The following ACOXL variants were observed in gnomAD, a reference collection of about 807,000 sequenced individuals.
ACOXL encodes the protein acyl-CoA oxidase like, also known as acyl-coenzyme A oxidase-like protein.
A neutral mutation model predicts 71.9 loss-of-function variants in ACOXL; 70 were observed. The ratio of observed to expected loss-of-function variants is 0.97; its 90% confidence interval spans 0.80 to 1.19. The LOEUF (loss-of-function observed/expected upper bound fraction) is 1.19. Ranked by LOEUF, ACOXL falls within the 50% of genes most tolerant of loss-of-function variation. The pLI, the probability that ACOXL is intolerant of heterozygous loss-of-function variation, is 0.00. For missense variants in ACOXL, 703 were observed against 736.3 expected (o/e 0.95, Z 0.52); for synonymous variants, 253 against 281.6 (o/e 0.90, Z 1.02).
chr2:110,810,518 A>G (rs371747692), intron 9 of ACOXL, among the ~76,000 whole-genome samples: 99 of 150,960 alleles, frequency 6.6e-4, no homozygotes, highest in Non-Finnish European at 1.2e-3. Flanking sequence ...TTCACCCACC[A>G]CCCATCCATC....
intron 2 of ACOXL, among the ~76,000 whole-genome samples, chr2:110,778,055 A>G (rs979715139): frequency 6.6e-5 from 10 of 152,220 alleles, no homozygotes; most frequent in Admixed American, 2.6e-4. Flanking sequence ...GTTAGCATTC[A>G]TGTTGGCAGC....
intron 10 of ACOXL, among the ~76,000 whole-genome samples, chr2:110,881,007 A>G (rs191768601): frequency 1.1e-4 from 16 of 152,308 alleles, no homozygotes; most frequent in Non-Finnish European, 1.9e-4. Flanking sequence ...TTTTCTTTCT[A>G]AAATTTTTTA....
chr2:110,947,713 G>A (rs930133625), intron 12 of ACOXL, among the ~76,000 whole-genome samples: 3 of 152,158 alleles, frequency 2.0e-5, no homozygotes, highest in Non-Finnish European at 4.4e-5. Context: ...CATCTTCTCG[G>A]CCACTGCTGA....
In ACOXL at chr2:111,117,765, G is replaced by A. The variant is rs2070461402; in HGVS notation, c.1692G>A (p.Arg564=). 1.3e-6 allele frequency: 2 copies of A among 1,551,270 alleles called. No individual in the cohort carries two copies. Among genetic ancestry groups the A allele is most frequent in the Middle Eastern group, 1.7e-4 (1 of 6,014 alleles). Residue 564 remains arginine (R), a synonymous_variant, in exon 18 of 18, where the codon CGG becomes CGA. Coordinates refer to ENST00000439055, the MANE Select transcript of ACOXL (RefSeq NM_001142807.4). ...WAFYPAPLQP[R]PREEARSRRP... is the part of the protein sequence containing the mutation. ...TCTACCCTGCACCGCTGCAGCCGCG[G>A]CCACGGGAAGAGGCGCGCTCCCGGC...
intron 12 of ACOXL, among the ~76,000 whole-genome samples, chr2:110,937,659 G>T (rs538862602): frequency 1.3e-5 from 2 of 152,206 alleles, no homozygotes; most frequent in East Asian, 3.8e-4. Flanking sequence ...TGGGAGTGAA[G>T]TGTGGACTTG....
At chr2:110,835,808 C>A (rs1690382716) in intron 9 of ACOXL, among the ~76,000 whole-genome samples, 1 of 152,148 alleles carries the variant, frequency 6.6e-6, no homozygotes, top group Non-Finnish European at 1.5e-5. Context: ...AGCTGAAATG[C>A]CCAAGTTTGT....
rs142689611 is a variant in ACOXL at position 111,003,443 on chromosome 2, C to T, written c.1281+7439C>T. ...GTGGGCACCTGTAATCCCAGCTACT[C>T]GGGAGGCTTAGGCAAGAGAATTGCT... On this transcript the variant is annotated intron_variant, in intron 14 of 17. Transcript: ENST00000439055. Among the ~76,000 whole-genome samples the T allele has an allele frequency of 1.5e-3, 230 of 150,430 alleles. 1 individual carries two copies. The highest frequency in any genetic ancestry group is 5.4e-3 in the African/African-American group (220 of 40,984).
intron 12 of ACOXL, among the ~76,000 whole-genome samples, chr2:110,939,285 C>T (rs923730800): frequency 2.6e-5 from 4 of 152,042 alleles, no homozygotes; most frequent in African/African-American, 9.7e-5. Context: ...AATATATATC[C>T]ATTGTAGAAA....
intron 12 of ACOXL, 90 bp from the exon 13 acceptor site, chr2:110,987,018 G>C (rs779105308): frequency 1.4e-5 from 15 of 1,077,164 alleles, no homozygotes; most frequent in Non-Finnish European, 2.1e-5. Context: ...AGTTTGCTAA[G>C]TGACAAATAG....
intron 1 of ACOXL, among the ~76,000 whole-genome samples, chr2:110,752,833 G>A (rs777096518): frequency 9.2e-5 from 14 of 152,148 alleles, no homozygotes; most frequent in Non-Finnish European, 1.8e-4. Flanking sequence ...CTCACGCAGT[G>A]TCTGTGGGTC....
chr2:110,793,851 C>A (rs1684964690), intron 4 of ACOXL, 115 bp downstream of exon 4: 1 of 994,092 alleles, frequency 1.0e-6, no homozygotes, highest in Non-Finnish European at 1.5e-6. Context: ...GAATTTGTAT[C>A]AGCAAAAATC....
intron 10 of ACOXL, among the ~76,000 whole-genome samples, chr2:110,881,110 C>T (rs1018027876): frequency 6.6e-6 from 1 of 151,774 alleles, no homozygotes; most frequent in Non-Finnish European, 1.5e-5. Flanking sequence ...GTTTTCCCTA[C>T]ACCATTTTAT....
At chr2:110,790,415 G>A (rs72832820) in intron 3 of ACOXL, among the ~76,000 whole-genome samples, 5,805 of 152,046 alleles carry the variant, frequency 0.038, 142 homozygotes, top group African/African-American at 0.06. Flanking sequence ...TCACACTGTG[G>A]CCTCTGGAAG....
intron 16 of ACOXL, among the ~76,000 whole-genome samples, chr2:111,084,244 A>G (rs1402179590): frequency 2.7e-5 from 4 of 147,520 alleles, no homozygotes; most frequent in African/African-American, 1.0e-4. Context: ...TCTTACGGAC[A>G]CAGATCTAAG....
chr2:110,984,335 G>A (rs1211131648), intron 12 of ACOXL, among the ~76,000 whole-genome samples: 1 of 151,974 alleles, frequency 6.6e-6, no homozygotes. Flanking sequence ...GGTAAAACAA[G>A]CACATCTTCA....
chr2:110,998,485 G>A (rs2063489674), intron 14 of ACOXL, among the ~76,000 whole-genome samples: 1 of 152,222 alleles, frequency 6.6e-6, no homozygotes, highest in South Asian at 2.1e-4. Context: ...CAGGAGAGCT[G>A]TTTAAAAAGT....
chr2:111,048,408 A>T (rs975752591), intron 15 of ACOXL, among the ~76,000 whole-genome samples: 12 of 152,350 alleles, frequency 7.9e-5, no homozygotes, highest in Admixed American at 5.9e-4. Context: ...ATGCGTGTCA[A>T]ATAAGTGGTT....
intron 15 of ACOXL, among the ~76,000 whole-genome samples, chr2:111,043,418 A>G (rs1239126779): frequency 1.3e-5 from 2 of 152,122 alleles, no homozygotes; most frequent in African/African-American, 4.8e-5. Flanking sequence ...CTGTTGTGTT[A>G]TGAAAAAGAG....
At chr2:110,813,194 G>T (rs1412943023) in intron 9 of ACOXL, among the ~76,000 whole-genome samples, 1 of 152,108 alleles carries the variant, frequency 6.6e-6, no homozygotes. Context: ...AAAGTCCTTG[G>T]GCATCTCTCC....
Sources: allele counts gnomAD v4.1 joint callset (sites outside exome capture counted in the v4.1 genomes callset), GRCh38; gene constraint gnomAD v4.1.1; transcripts MANE v1.5; gene names NCBI Gene and HGNC (gene_info 2026-07-23, HGNC 2026-07-21).